Variants in RAB10 observed in about 807,000 individuals in gnomAD.
The protein encoded by RAB10 is ras-related protein Rab-10.
RAB10 carries 5 observed loss-of-function variants against 25.7 expected under a neutral mutation model. That is an observed-to-expected ratio of 0.19 (90% CI 0.10 to 0.41). The LOEUF is 0.41. Among genes scored for constraint, RAB10 ranks in the 10% least tolerant of loss-of-function variants. The pLI is 1.00. For synonymous variants in RAB10, 89 were observed against 86.4 expected, an observed-to-expected ratio of 1.03 and a Z score of -0.16; for missense variants, 103 against 245.8, an observed-to-expected ratio of 0.42 and a Z score of 3.89.
At chr2:26,075,348 C>G (rs951887073) in intron 1 of RAB10, among the ~76,000 whole-genome samples, 1 of 152,014 alleles carries the variant, frequency 6.6e-6, no homozygotes, top group Admixed American at 6.6e-5. Flanking sequence ...TTATCTCTTC[C>G]ATTAAGTCAT....
At chr2:26,035,215 A>AT (rs770170878) in intron 1 of RAB10, among the ~76,000 whole-genome samples, 40 of 152,288 alleles carry the variant, frequency 2.6e-4, no homozygotes, top group South Asian at 6.2e-4. Flanking sequence ...ATTAAGGTAA[A>AT]TTAGAAGGGA....
intron 1 of RAB10, among the ~76,000 whole-genome samples, chr2:26,041,239 G>A (rs10495755): frequency 0.012 from 1,857 of 152,144 alleles, 18 homozygotes; most frequent in South Asian, 0.046. Flanking sequence ...ATTGGGATCA[G>A]ACTTACCAAT....
chr2:26,084,699 C>T (rs1666940206), intron 1 of RAB10, among the ~76,000 whole-genome samples: 1 of 59,584 alleles, frequency 1.7e-5, no homozygotes, highest in Admixed American at 1.6e-4. Context: ...AATTTTTGTA[C>T]ATTTTACCCC....
chr2:26,081,327 A>G (rs1666864156), intron 1 of RAB10, among the ~76,000 whole-genome samples: 1 of 152,190 alleles, frequency 6.6e-6, no homozygotes, highest in Non-Finnish European at 1.5e-5. Flanking sequence ...ATCAACTGAG[A>G]AAGGTAAAAC....
chr2:26,053,834 C>T (rs1285560808), intron 1 of RAB10, among the ~76,000 whole-genome samples: 3 of 151,962 alleles, frequency 2.0e-5, no homozygotes, highest in African/African-American at 7.3e-5. Context: ...ATTCTCCTGC[C>T]TCAGCCTCCT....
chr2:26,056,497 CTTTGT>C (rs902579936), intron 1 of RAB10, among the ~76,000 whole-genome samples: 1 of 152,102 alleles, frequency 6.6e-6, no homozygotes, highest in Non-Finnish European at 1.5e-5. Flanking sequence ...GAGCCTGGCC[CTTTGT>C]TTTAAGATGT....
rs1331133253 is a variant in RAB10 at position 26,135,026 on chromosome 2, TCTC to T, written c.*8_*10del. On this transcript the variant is annotated 3_prime_UTR_variant, in exon 6 of 6. Transcript: ENST00000264710. ...TGGAAGAGCAAATGCTGCTGAGCAT[TCTC>T]CTGTTCCATCAGTTGCCATCCACTA... 6.2e-7 allele frequency: 1 copy of T among 1,607,714 alleles called. No homozygotes were observed. Among genetic ancestry groups the T allele is most frequent in the South Asian group, 1.1e-5 (1 of 90,618 alleles).
At chr2:26,071,269 C>G (rs1397504787) in intron 1 of RAB10, among the ~76,000 whole-genome samples, 3 of 152,210 alleles carry the variant, frequency 2.0e-5, no homozygotes, top group African/African-American at 7.2e-5. Context: ...TTTTATAGAA[C>G]ATCATTTATC....
intron 5 of RAB10, among the ~76,000 whole-genome samples, chr2:26,128,227 A>G (rs1256168244): frequency 6.6e-6 from 1 of 152,200 alleles, no homozygotes; most frequent in Non-Finnish European, 1.5e-5. Flanking sequence ...GATCCCTTGC[A>G]TGTGCAGTTC....
intron 1 of RAB10, among the ~76,000 whole-genome samples, chr2:26,081,449 A>G (rs1473101826): frequency 2.0e-5 from 3 of 152,234 alleles, no homozygotes; most frequent in Admixed American, 2.0e-4. Flanking sequence ...TATGAAGGTC[A>G]TGAAAGAAAG....
At chr2:26,040,581 C>T (rs1665862419) in intron 1 of RAB10, among the ~76,000 whole-genome samples, 1 of 152,040 alleles carries the variant, frequency 6.6e-6, no homozygotes, top group South Asian at 2.1e-4. Context: ...TCACTTGAGT[C>T]CAGGAGTTCA....
chr2:26,058,432 CT>C (rs201757764), intron 1 of RAB10, among the ~76,000 whole-genome samples: 2 of 151,130 alleles, frequency 1.3e-5, no homozygotes, highest in Admixed American at 6.6e-5. Flanking sequence ...TTTTTCTTTT[CT>C]TTTTTTTTAA....
At chr2:26,047,654 T>C (rs547225782) in intron 1 of RAB10, among the ~76,000 whole-genome samples, 29 of 151,590 alleles carry the variant, frequency 1.9e-4, no homozygotes, top group Admixed American at 7.9e-4. Flanking sequence ...TGACCTCAGG[T>C]GATCTGCCTT....
At chr2:26,071,554 G>T (rs1332271518) in intron 1 of RAB10, among the ~76,000 whole-genome samples, 1 of 152,130 alleles carries the variant, frequency 6.6e-6, no homozygotes, top group African/African-American at 2.4e-5. Context: ...CAGACATGAT[G>T]GTGGGCACCT....
chr2:26,053,097 TAGAA>T (rs965601567), intron 1 of RAB10, among the ~76,000 whole-genome samples: 43 of 152,344 alleles, frequency 2.8e-4, no homozygotes, highest in African/African-American at 9.9e-4. Context: ...GAGAAGGGGT[TAGAA>T]AGATCTCTCT....
chr2:26,063,908 C>T (rs1666461741), intron 1 of RAB10, among the ~76,000 whole-genome samples: 1 of 152,182 alleles, frequency 6.6e-6, no homozygotes, highest in South Asian at 2.1e-4. Context: ...AATGAGTCTC[C>T]TGCTTCAGCT....
intron 1 of RAB10, among the ~76,000 whole-genome samples, chr2:26,095,810 G>T (rs1182678479): frequency 1.3e-5 from 2 of 152,018 alleles, no homozygotes; most frequent in Non-Finnish European, 2.9e-5. Context: ...TACTCAGGAG[G>T]CTGAGGTGGG....
chr2:26,049,674 A>G (rs1270033422), intron 1 of RAB10, among the ~76,000 whole-genome samples: 12 of 152,158 alleles, frequency 7.9e-5, no homozygotes, highest in Admixed American at 7.9e-4. Context: ...CTGGGATTAC[A>G]GGCATAAGCC....
chr2:26,057,036 A>T (rs1666281797), intron 1 of RAB10, among the ~76,000 whole-genome samples: 1 of 152,176 alleles, frequency 6.6e-6, no homozygotes, highest in South Asian at 2.1e-4. Flanking sequence ...TATTTCTGGT[A>T]CTGCCACTGG....
Sources: allele counts gnomAD v4.1 joint callset (sites outside exome capture counted in the v4.1 genomes callset), GRCh38; gene constraint gnomAD v4.1.1; transcripts MANE v1.5; gene names NCBI Gene and HGNC (gene_info 2026-07-23, HGNC 2026-07-21).